FYB1: variants seen among roughly 807,000 people sequenced by gnomAD.
The protein encoded by FYB1 is FYN binding protein 1, also known as FYN-binding protein 1.
FYB1 carries 41 observed loss-of-function variants against 94.1 expected under a neutral mutation model. That is an observed-to-expected ratio of 0.44 (90% CI 0.34 to 0.57). FYB1 has a LOEUF of 0.57. FYB1 is among the 20% of genes least tolerant of loss of function. The pLI, the probability that FYB1 is intolerant of heterozygous loss-of-function variation, is 0.02. For synonymous variants in FYB1, 367 were observed against 353.2 expected, an observed-to-expected ratio of 1.04 and a Z score of -0.44; for missense variants, 1,050 against 976.8, an observed-to-expected ratio of 1.07 and a Z score of -1.00.
At chr5:39,114,731 A>G (rs1243819630) in intron 16 of FYB1, among the ~76,000 whole-genome samples, 2 of 152,200 alleles carry the variant, frequency 1.3e-5, no homozygotes, top group Admixed American at 1.3e-4. Context: ...TTCTGTGAGT[A>G]TCTGTATGTC....
chr5:39,219,681 G>C, upstream of FYB1: 1 of 763,282 alleles, frequency 1.3e-6, no homozygotes, highest in South Asian at 5.9e-5. Flanking sequence ...TCAGGATATT[G>C]AGTAATAAGG....
chr5:39,254,403 T>C (rs938942725), intron 1 of FYB1, among the ~76,000 whole-genome samples: 1 of 152,214 alleles, frequency 6.6e-6, no homozygotes, highest in African/African-American at 2.4e-5. Context: ...TGGTGTGAGA[T>C]GATATCTTAC....
chr5:39,181,777 GTA>G, intron 2 of FYB1, among the ~76,000 whole-genome samples: 1 of 152,240 alleles, frequency 6.6e-6, no homozygotes, highest in East Asian at 1.9e-4. Flanking sequence ...TCTAGTGTAA[GTA>G]TCTCCAAACC....
intron 9 of FYB1, among the ~76,000 whole-genome samples, chr5:39,133,497 GAGA>G (rs976170834): frequency 2.0e-5 from 3 of 152,116 alleles, no homozygotes; most frequent in Non-Finnish European, 4.4e-5. Flanking sequence ...CTGGAACAAA[GAGA>G]AGAAGAGGAG....
intron 1 of FYB1, among the ~76,000 whole-genome samples, chr5:39,272,460 C>G (rs1385051588): frequency 6.6e-6 from 1 of 151,080 alleles, no homozygotes; most frequent in Non-Finnish European, 1.5e-5. Flanking sequence ...GTCAGGAGAT[C>G]GAAACCATCC....
At chr5:39,158,523 A>C (rs540527335) in intron 2 of FYB1, among the ~76,000 whole-genome samples, 1 of 152,334 alleles carries the variant, frequency 6.6e-6, no homozygotes, top group Non-Finnish European at 1.5e-5. Flanking sequence ...AGAGGACCCA[A>C]CGAGGGTGGT....
chr5:39,178,656 C>T (rs111503516), intron 2 of FYB1, among the ~76,000 whole-genome samples: 1 of 152,014 alleles, frequency 6.6e-6, no homozygotes, highest in Non-Finnish European at 1.5e-5. Flanking sequence ...ACATGGGCAA[C>T]ATTGAGGTTT....
intron 1 of FYB1, among the ~76,000 whole-genome samples, chr5:39,243,490 A>T (rs1276876042): frequency 6.6e-6 from 1 of 151,564 alleles, no homozygotes; most frequent in Non-Finnish European, 1.5e-5. Flanking sequence ...GTTCTGTTCC[A>T]TTGGTCTATA....
intron 3 of FYB1, among the ~76,000 whole-genome samples, chr5:39,149,707 G>T (rs942671555): frequency 6.6e-6 from 1 of 151,896 alleles, no homozygotes; most frequent in African/African-American, 2.4e-5. Context: ...TCACTTTTTG[G>T]CCTCCACCAG....
chr5:39,124,876 C>T (rs1580325537), intron 12 of FYB1, among the ~76,000 whole-genome samples: 1 of 151,074 alleles, frequency 6.6e-6, no homozygotes, highest in South Asian at 2.1e-4. Context: ...GAAGAAGACC[C>T]ATGCTTCTAT....
intron 1 of FYB1, among the ~76,000 whole-genome samples, chr5:39,249,447 C>A (rs192434213): frequency 1.3e-5 from 2 of 152,276 alleles, no homozygotes; most frequent in East Asian, 3.9e-4. Context: ...TAAAAACTGA[C>A]AATGGGCTGG....
At chr5:39,217,662 A>G (rs1026588791) in intron 1 of FYB1, among the ~76,000 whole-genome samples, 1 of 152,172 alleles carries the variant, frequency 6.6e-6, no homozygotes, top group Non-Finnish European at 1.5e-5. Flanking sequence ...GGTGCGTGGC[A>G]GAGACCACCT....
In FYB1 at chr5:39,124,533, AT is replaced by A. The variant is rs370826559; in HGVS notation, c.2046-256del. Among the ~76,000 whole-genome samples, 11 of 152,202 alleles carry A rather than the reference AT, an allele frequency of 7.2e-5. No homozygotes were observed. The South Asian group carries it at 2.3e-3, about 32-fold the overall frequency. On this transcript the variant is annotated intron_variant, in intron 12 of 18. Transcript: ENST00000512982. ...CAGAGTCAAGATACTCAATTGGTTT[AT>A]TTTGCCCATAGCCACTGGATCAAAA...
chr5:39,116,011 T>C (rs1018736871), intron 16 of FYB1, among the ~76,000 whole-genome samples: 3 of 152,196 alleles, frequency 2.0e-5, no homozygotes, highest in African/African-American at 7.2e-5. Flanking sequence ...GGAATAGACT[T>C]CAGCTCCTGA....
intron 2 of FYB1, among the ~76,000 whole-genome samples, chr5:39,188,716 A>G (rs1304515548): frequency 6.6e-6 from 1 of 151,956 alleles, no homozygotes; most frequent in East Asian, 1.9e-4. Context: ...TACTTTTAGT[A>G]TAGATGGGGT....
chr5:39,176,127 T>C (rs908330279), intron 2 of FYB1, among the ~76,000 whole-genome samples: 5 of 140,618 alleles, frequency 3.6e-5, no homozygotes, highest in African/African-American at 1.3e-4. Flanking sequence ...TCCCAAGTCA[T>C]TTTTTTTCTG....
At chr5:39,132,881 C>T (rs1412732651) in intron 9 of FYB1, among the ~76,000 whole-genome samples, 8 of 152,100 alleles carry the variant, frequency 5.3e-5, no homozygotes, top group Admixed American at 6.6e-5. Flanking sequence ...CAGAATGTGA[C>T]GATTTGGAAC....
chr5:39,130,395 T>C (rs141611700), intron 10 of FYB1, among the ~76,000 whole-genome samples, 195 bp downstream of exon 10: 1 of 152,076 alleles, frequency 6.6e-6, no homozygotes, highest in Non-Finnish European at 1.5e-5. Flanking sequence ...TACATTTCAA[T>C]ATAGCCAGAA....
intron 13 of FYB1, 138 bp downstream of exon 13, chr5:39,124,115 A>G: frequency 1.6e-6 from 1 of 631,498 alleles, no homozygotes; most frequent in Non-Finnish European, 2.7e-6. Flanking sequence ...CACCCAAGGT[A>G]AAGTTACTTG....
Sources: allele counts gnomAD v4.1 joint callset (sites outside exome capture counted in the v4.1 genomes callset), GRCh38; gene constraint gnomAD v4.1.1; transcripts MANE v1.5; gene names NCBI Gene and HGNC (gene_info 2026-07-23, HGNC 2026-07-21).